The following ZP1 variants were observed in gnomAD, a reference collection of about 807,000 sequenced individuals.
The protein encoded by ZP1 is zona pellucida sperm-binding protein 1.
ZP1 carries 58 observed loss-of-function variants against 67.4 expected under a neutral mutation model. The observed-to-expected ratio is 0.86, with a 90% CI of 0.70 to 1.07. ZP1 has a LOEUF of 1.07. Ranked by LOEUF, ZP1 falls within the 50% of genes least tolerant of loss-of-function variation. ZP1 has a pLI of 0.00. For missense variants in ZP1, 759 were observed against 807.3 expected, an observed-to-expected ratio of 0.94 and a Z score of 0.72; for synonymous variants, 333 against 332.7, an observed-to-expected ratio of 1.00 and a Z score of -0.01.
chr11:60,871,530 G>A (rs1855570041), intron 6 of ZP1, among the ~76,000 whole-genome samples: 1 of 152,228 alleles, frequency 6.6e-6, no homozygotes, highest in Non-Finnish European at 1.5e-5. Context: ...GTTAAGTGGA[G>A]CCCTTCCATG....
intron 9 of ZP1, 135 bp downstream of exon 9, chr11:60,873,910 G>A (rs1184845762): frequency 2.5e-6 from 3 of 1,210,530 alleles, no homozygotes; most frequent in East Asian, 2.5e-5. Flanking sequence ...CAGGTGTCAT[G>A]GAAAGCAGCG....
At chr11:60,871,178 C>T (rs1445224530) in intron 5 of ZP1, 34 bp downstream of exon 5, 1 of 1,613,844 alleles carries the variant, frequency 6.2e-7, no homozygotes, top group Non-Finnish European at 8.5e-7. Flanking sequence ...GGGCCTGGTC[C>T]CCCACCAGAA....
chr11:60,875,645 AACAG>A lies in ZP1; in HGVS notation c.1911_1914del (p.Arg637SerfsTer6), dbSNP rs750309992. 5.0e-6 allele frequency: 8 copies of A among 1,614,002 alleles called. No homozygotes were observed. The Admixed American group carries it at 5.0e-5, about 10-fold the overall frequency. On this transcript the variant is annotated frameshift_variant, in exon 12 of 12. Coordinates refer to ENST00000278853, the MANE Select transcript of ZP1 (RefSeq NM_207341.4). LOFTEE classifies it high-confidence loss of function. ...CTGGGCCCAGAAGCTCTGGGAAAGC[AACAG>A]ACAGTGAATGGGCCCAATAAACAAT...
At position 60,875,319 on chromosome 11, in the gene ZP1, A is replaced by C. The variant is rs1399872159; in HGVS notation, c.1774+71A>C. The C allele has an allele frequency of 2.6e-6, 4 of 1,554,264 alleles. No individual in the cohort carries two copies. In the African/African-American group the frequency reaches 5.5e-5, roughly 21 times the overall value. On this transcript the variant is annotated intron_variant, in intron 11 of 11. Transcript: ENST00000278853. ...GCCCCCAAGATTGTGCTGACAAAAC[A>C]GGGATGCTCCAGCCATAGCTGAGGG... is the stretch of plus-strand genomic sequence containing the variant.
In ZP1 at chr11:60,875,607, G is replaced by A; in HGVS notation, c.1868G>A (p.Gly623Asp). Reference protein sequence around the residue: ...ALVLGFGVFVGLSQTWAQKLW... With the variant: ...ALVLGFGVFVDLSQTWAQKLW... Reference sequence around the variant, plus strand: ...GTCCTTGGGTTTGGTGTCTTTGTGGGCCTGAGCCAGACCTGGGCCCAGAAG... The same window carrying A: ...GTCCTTGGGTTTGGTGTCTTTGTGGACCTGAGCCAGACCTGGGCCCAGAAG... The change falls in exon 12 of 12, where the codon GGC (glycine) becomes GAC (aspartate). Residue 623 changes from glycine to aspartate, a missense_variant. By Grantham distance (94) the Gly-to-Asp change is moderately conservative (BLOSUM62 -1). Transcript: ENST00000278853. 6.2e-7 allele frequency: 1 copy of A among 1,614,202 alleles called. No homozygotes were observed.
intron 6 of ZP1, 60 bp downstream of exon 6, chr11:60,871,374 G>A (rs529750157): frequency 5.7e-6 from 9 of 1,569,426 alleles, no homozygotes; most frequent in South Asian, 5.6e-5. Flanking sequence ...GGGCACAGGC[G>A]AGCTCAGTAC....
chr11:60,869,125 C>G lies in ZP1; in HGVS notation c.197-20C>G, dbSNP rs2134825743. ...CTGCACCCTTCAACATCCCTGGCCCCTCCCCTTCCCCCACTGCAGATGAAT... is the reference window on the plus strand; with the variant it reads ...CTGCACCCTTCAACATCCCTGGCCCGTCCCCTTCCCCCACTGCAGATGAAT... On this transcript the variant is annotated intron_variant, in intron 1 of 11. Transcript: ENST00000278853. 1 of 1,614,126 alleles carries G rather than the reference C, an allele frequency of 6.2e-7. No homozygotes were observed. The highest frequency in any genetic ancestry group is 8.5e-7 in the Non-Finnish European group (1 of 1,179,994).
At chr11:60,867,835 G>A in intron 1 of ZP1, 78 bp downstream of exon 1, 1 of 1,506,858 alleles carries the variant, frequency 6.6e-7, no homozygotes, top group Non-Finnish European at 9.0e-7. Context: ...CCCTTCCCCT[G>A]AAGGAGCAAG....
In ZP1 at chr11:60,871,030, C is replaced by A; in HGVS notation, c.900C>A (p.Ile300=). The A allele has an allele frequency of 1.9e-6, 3 of 1,614,246 alleles. No individual in the cohort carries two copies. The highest frequency in any genetic ancestry group is 2.5e-6 in the Non-Finnish European group (3 of 1,180,040). ...VSQEMALTHR[I]TLANIHLAYA... is the part of the protein sequence containing the mutation. ...AAGAAATGGCCTTGACACACAGGAT[C>A]ACACTGGCCAACATCCACCTGGCCT... Residue 300 remains isoleucine, a synonymous_variant, in exon 5 of 12, where the codon ATC becomes ATA. Transcript: ENST00000278853.
chr11:60,874,635 G>A (rs1565104904), intron 9 of ZP1, among the ~76,000 whole-genome samples: 1 of 152,260 alleles, frequency 6.6e-6, no homozygotes, highest in South Asian at 2.1e-4. Flanking sequence ...AAGCAGGCCC[G>A]CCAAGGACTG....
At position 60,870,403 on chromosome 11, in the gene ZP1, A is replaced by G; in HGVS notation, c.754A>G (p.Lys252Glu). The part of the protein sequence containing the change: ...HLPCIVRRTS[K>E]EACQQAGCCY... ...CCCCTGCATCGTGAGAAGAACTTCA[A>G]AAGAAGCCTGTCAGCAGGCTGGCTG... The change falls in exon 4 of 12, where the codon AAA (lysine) becomes GAA (glutamate). Residue 252 changes from lysine to glutamate, a missense_variant. Lys to Glu is a moderately conservative substitution (Grantham distance 56, BLOSUM62 1). Coordinates refer to ENST00000278853, the MANE Select transcript of ZP1 (RefSeq NM_207341.4). The G allele has an allele frequency of 1.9e-6, 3 of 1,613,612 alleles. No homozygotes were observed. The highest frequency in any genetic ancestry group is 2.2e-5 in the South Asian group (2 of 90,928).
chr11:60,869,505 C>A, intron 2 of ZP1, 32 bp from the exon 3 acceptor site: 1 of 1,570,704 alleles, frequency 6.4e-7, no homozygotes, highest in Non-Finnish European at 8.7e-7. Context: ...GTGGCCTCAC[C>A]TTGCTGCTCT....
Position 60,869,519 on chromosome 11 carries a change from A to G in ZP1, c.319-18A>G. ...GGTGGCCTCACCTTGCTGCTCTATG[A>G]TGGCCTCTCACCTGCAGGATGGGCG... On this transcript the variant is annotated intron_variant, in intron 2 of 11. Coordinates refer to ENST00000278853, the MANE Select transcript of ZP1 (RefSeq NM_207341.4). The G allele has an allele frequency of 6.3e-7, 1 of 1,586,112 alleles. No individual in the cohort carries two copies. Among genetic ancestry groups the G allele is most frequent in the Non-Finnish European group, 8.6e-7 (1 of 1,163,190 alleles).
chr11:60,867,853 G>C (rs1228262957), intron 1 of ZP1, 96 bp downstream of exon 1: 1 of 1,403,412 alleles, frequency 7.1e-7, no homozygotes, highest in Non-Finnish European at 9.7e-7. Context: ...AAGAACAGAG[G>C]CCTCCCTCCA....
chr11:60,871,673 G>A (rs1349337384), intron 6 of ZP1, among the ~76,000 whole-genome samples: 1 of 152,242 alleles, frequency 6.6e-6, no homozygotes, highest in Non-Finnish European at 1.5e-5. Flanking sequence ...GGTCCCAGGA[G>A]GAGGCTGAGG....
chr11:60,867,668 G>A lies in ZP1; in HGVS notation c.107G>A (p.Gly36Asp). The A allele has an allele frequency of 6.2e-7, 1 of 1,614,044 alleles. No individual in the cohort carries two copies. The highest frequency in any genetic ancestry group is 1.1e-5 in the South Asian group (1 of 91,070). ...CTCCAGCCCGACCCTGGCCTCCCAGGCCTCCGGCACAGCTACGACTGTGGG... is the reference window on the plus strand; with the variant it reads ...CTCCAGCCCGACCCTGGCCTCCCAGACCTCCGGCACAGCTACGACTGTGGG... ...RWLQPDPGLPGLRHSYDCGIK... is the reference protein window; with the variant it reads ...RWLQPDPGLPDLRHSYDCGIK... The change falls in exon 1 of 12, where the codon GGC becomes GAC. Residue 36 changes from glycine (G) to aspartate (D), a missense_variant. Transcript: ENST00000278853.
rs746272364 is a variant in ZP1 at position 60,875,012 on chromosome 11, C to T, written c.1652C>T (p.Thr551Ile). The part of the protein sequence containing the change: ...TCSTACSTGT[T>I]RQRRSSGHRN... ...TCCACTGCATGTAGCACTGGCACTA[C>T]AAGTGAGTCTGGGTTGCGAGTGGTA... Residue 551 changes from threonine (T) to isoleucine (I), a missense_variant and splice_region_variant, in exon 10 of 12, where the codon ACA becomes ATA. Thr to Ile is a moderately conservative substitution (Grantham distance 89). Coordinates refer to ENST00000278853, the MANE Select transcript of ZP1 (RefSeq NM_207341.4). 4 of 1,614,258 alleles carry T rather than the reference C, an allele frequency of 2.5e-6. No individual in the cohort carries two copies. The highest frequency in any genetic ancestry group is 2.2e-5 in the South Asian group (2 of 91,088).
rs890767608 is a variant in ZP1 at position 60,869,037 on chromosome 11, G to A, written c.197-108G>A. ...ACAACAAACTAATAGCAAAGCTAAG[G>A]CAAGAACCCAGGTCTCCTGGCTGCT... is the stretch of plus-strand genomic sequence containing the variant. On this transcript the variant is annotated intron_variant, in intron 1 of 11. Coordinates refer to ENST00000278853, the MANE Select transcript of ZP1 (RefSeq NM_207341.4). 2.9e-6 allele frequency: 4 copies of A among 1,374,888 alleles called. No individual in the cohort carries two copies. The Admixed American group carries it at 8.1e-5, about 28-fold the overall frequency. The allele number at this position is 1,374,888 out of a possible 1,614,324, so 85.2% of individuals were successfully genotyped here.
At chr11:60,872,141 G>A (rs1358438555) in intron 6 of ZP1, among the ~76,000 whole-genome samples, 2 of 152,178 alleles carry the variant, frequency 1.3e-5, no homozygotes, top group Non-Finnish European at 2.9e-5. Context: ...GGAGGCCTAG[G>A]TGGGAGAATT....
Sources: gnomAD v4.1 joint callset for allele counts (sites outside exome capture counted in the v4.1 genomes callset) on GRCh38, gnomAD v4.1.1 for gene constraint, MANE v1.5 for transcripts, NCBI Gene and HGNC (gene_info 2026-07-23, HGNC 2026-07-21) for gene names.